NR6A1: variants seen among roughly 807,000 people sequenced by gnomAD.
NR6A1 encodes the protein nuclear receptor subfamily 6 group A member 1, also known as retinoic acid receptor-related testis-associated receptor.
A neutral mutation model predicts 59.1 loss-of-function variants in NR6A1; 7 were observed. The ratio of observed to expected loss-of-function variants is 0.12; its 90% CI spans 0.07 to 0.22. NR6A1 has a LOEUF of 0.22. Ranked by LOEUF, NR6A1 falls within the 10% of genes least tolerant of loss-of-function variation. NR6A1 has a pLI of 1.00. For missense variants in NR6A1, 468 were observed against 611.6 expected (o/e 0.77, Z 2.48); for synonymous variants, 243 against 236.1 (o/e 1.03, Z -0.27).
At chr9:124,623,518 C>A (rs536430240) in intron 2 of NR6A1, among the ~76,000 whole-genome samples, 24 of 148,746 alleles carry the variant, frequency 1.6e-4, no homozygotes, top group African/African-American at 6.2e-4. Context: ...AGCTACCATG[C>A]CTGGCTAATT....
At chr9:124,667,101 T>C (rs949615233) in intron 2 of NR6A1, among the ~76,000 whole-genome samples, 2 of 150,798 alleles carry the variant, frequency 1.3e-5, no homozygotes, top group East Asian at 2.0e-4. Context: ...AGTGGCGCAA[T>C]GTCGGCTCAC....
intron 2 of NR6A1, among the ~76,000 whole-genome samples, chr9:124,705,614 G>A (rs180932147): frequency 6.6e-6 from 1 of 152,094 alleles, no homozygotes; most frequent in East Asian, 1.9e-4. Flanking sequence ...TTTTATTCAG[G>A]CTAACCATCT....
chr9:124,564,421 C>T (rs946614679), intron 2 of NR6A1, among the ~76,000 whole-genome samples: 1 of 152,056 alleles, frequency 6.6e-6, no homozygotes, highest in South Asian at 2.1e-4. Flanking sequence ...TATTTCTATA[C>T]CATGCACAGA....
At position 124,746,068 on chromosome 9, in the gene NR6A1, G is replaced by GA. The variant is rs1001120016; in HGVS notation, c.101-12720dup. 2.7e-4 allele frequency among the ~76,000 whole-genome samples: 39 copies of GA among 146,338 alleles called. 1 individual carries two copies. Among genetic ancestry groups the GA allele is most frequent in the Admixed American group, 6.8e-4 (10 of 14,680 alleles). On this transcript the variant is annotated intron_variant, in intron 1 of 9. Coordinates refer to ENST00000487099, the MANE Select transcript of NR6A1 (RefSeq NM_033334.4). Reference sequence around the variant, plus strand: ...ACAATCAACAGCTTCAACTGAAGGGGAAAAAAAAAACTACCATTCTCTAAA... The same window carrying GA: ...ACAATCAACAGCTTCAACTGAAGGGGAAAAAAAAAAACTACCATTCTCTAAA...
rs1841147214 is a variant in NR6A1 at position 124,771,121 on chromosome 9, C to A, written c.-2G>T. On this transcript the variant is annotated 5_prime_UTR_variant, in exon 1 of 10. Coordinates refer to ENST00000487099, the MANE Select transcript of NR6A1 (RefSeq NM_033334.4). ...AGGCGGCGGTTCGTCCCGCTCCATG[C>A]GGTGGTGCCTAGGGTCCGCGCCGGG... The A allele has an allele frequency of 8.2e-7, 1 of 1,226,566 alleles. No homozygotes were observed. Among genetic ancestry groups the A allele is most frequent in the Admixed American group, 4.2e-5 (1 of 23,678 alleles). 76.0% of individuals were successfully genotyped at this position (1,226,566 alleles called of 1,614,324 possible).
chr9:124,719,768 A>G (rs1839509660), intron 2 of NR6A1, among the ~76,000 whole-genome samples: 1 of 151,924 alleles, frequency 6.6e-6, no homozygotes, highest in African/African-American at 2.4e-5. Context: ...AAAAACACAA[A>G]GATTAGCCCA....
At chr9:124,758,420 T>C (rs924924373) in intron 1 of NR6A1, among the ~76,000 whole-genome samples, 3 of 152,192 alleles carry the variant, frequency 2.0e-5, no homozygotes, top group Admixed American at 6.5e-5. Flanking sequence ...AGCACTCTTC[T>C]CAATGCTGAA....
chr9:124,563,901 C>T (rs999021055), intron 2 of NR6A1, among the ~76,000 whole-genome samples: 1 of 152,058 alleles, frequency 6.6e-6, no homozygotes, highest in Non-Finnish European at 1.5e-5. Context: ...CATAGCAAGA[C>T]CCCATCCCTA....
At chr9:124,636,869 A>G (rs1284159449) in intron 2 of NR6A1, among the ~76,000 whole-genome samples, 1 of 152,202 alleles carries the variant, frequency 6.6e-6, no homozygotes, top group African/African-American at 2.4e-5. Flanking sequence ...ACATTTTTCC[A>G]TATGTACAAC....
At chr9:124,721,537 G>A (rs953745146) in intron 2 of NR6A1, among the ~76,000 whole-genome samples, 1 of 152,124 alleles carries the variant, frequency 6.6e-6, no homozygotes, top group African/African-American at 2.4e-5. Context: ...GGGACATAAA[G>A]GGAGGAAACA....
At chr9:124,708,527 A>C (rs1032340075) in intron 2 of NR6A1, among the ~76,000 whole-genome samples, 1 of 152,240 alleles carries the variant, frequency 6.6e-6, no homozygotes, top group Non-Finnish European at 1.5e-5. Context: ...AATACAACTT[A>C]ATCTCAAAAT....
intron 1 of NR6A1, among the ~76,000 whole-genome samples, chr9:124,742,300 C>T (rs867315032): frequency 2.6e-5 from 4 of 152,196 alleles, no homozygotes; most frequent in South Asian, 2.1e-4. Context: ...CGGTGGCTCA[C>T]GCCTCTAATC....
At position 124,575,717 on chromosome 9, in the gene NR6A1, C is replaced by T. The variant is rs180781091; in HGVS notation, c.143-21147G>A. ...CTATAAACTGGGGATAACAATAGTA[C>T]TTTTATCACATCGTAACTGTGAGGA... On this transcript the variant is annotated intron_variant, in intron 2 of 9. Transcript: ENST00000487099. Among the ~76,000 whole-genome samples the T allele has an allele frequency of 5.3e-5, 8 of 152,088 alleles. No individual in the cohort carries two copies. In the East Asian group the frequency reaches 1.5e-3, roughly 29 times the overall value.
intron 2 of NR6A1, among the ~76,000 whole-genome samples, chr9:124,659,376 G>T (rs1588752910): frequency 6.6e-6 from 1 of 152,194 alleles, no homozygotes; most frequent in Non-Finnish European, 1.5e-5. Context: ...TCCCAGCTCC[G>T]CTTTGTGCAA....
At chr9:124,697,968 A>T (rs988516244) in intron 2 of NR6A1, among the ~76,000 whole-genome samples, 11 of 152,182 alleles carry the variant, frequency 7.2e-5, no homozygotes, top group Admixed American at 7.2e-4. Context: ...AAATATTAAG[A>T]TCTTAGTGTA....
intron 2 of NR6A1, among the ~76,000 whole-genome samples, chr9:124,731,275 CAGA>C (rs1429224769): frequency 6.6e-6 from 1 of 151,206 alleles, no homozygotes; most frequent in Non-Finnish European, 1.5e-5. Context: ...GAGGCTGATG[CAGA>C]AGAATCACTT....
intron 2 of NR6A1, among the ~76,000 whole-genome samples, chr9:124,698,989 C>A (rs370071171): frequency 9.2e-5 from 14 of 152,278 alleles, no homozygotes; most frequent in Non-Finnish European, 2.1e-4. Flanking sequence ...TAGAAGAAAT[C>A]GCTTGAAATA....
chr9:124,535,975 T>G lies in NR6A1; in HGVS notation c.982A>C (p.Ile328Leu). Residue 328 changes from isoleucine to leucine, a missense_variant, in exon 7 of 10, where the codon ATC becomes CTC. Around this residue, in one of 4 missense-constraint regions of NR6A1, gnomAD observed 176 missense variants for 264.0 expected, o/e 0.67. Coordinates refer to ENST00000487099, the MANE Select transcript of NR6A1 (RefSeq NM_033334.4). ...CLLSSTWQEL[I>L]LLSSLTVYSK... ...TAAACGGTGAGGGAAGACAGCAGGA[T>G]TAGCTCCTGCCACGTAGAGCTCAAG... 6.2e-7 allele frequency: 1 copy of G among 1,614,210 alleles called. No individual in the cohort carries two copies. The highest frequency in any genetic ancestry group is 8.5e-7 in the Non-Finnish European group (1 of 1,180,036).
chr9:124,711,512 C>CA (rs1004711633), intron 2 of NR6A1, among the ~76,000 whole-genome samples: 1 of 151,656 alleles, frequency 6.6e-6, no homozygotes, highest in African/African-American at 2.4e-5. Context: ...GTGTCAGACC[C>CA]AAAAATGGCG....
Sources: allele counts gnomAD v4.1 joint callset (sites outside exome capture counted in the v4.1 genomes callset), GRCh38; gene constraint gnomAD v4.1.1; regional missense constraint gnomAD v4.1.1; transcripts MANE v1.5; gene names NCBI Gene and HGNC (gene_info 2026-07-23, HGNC 2026-07-21).